DHX57: variants seen among roughly 807,000 people sequenced by gnomAD.
DHX57 encodes the protein putative ATP-dependent RNA helicase DHX57.
In DHX57, 105 loss-of-function variants were observed where a neutral mutation model predicts 156.2. The ratio of observed to expected loss-of-function variants is 0.67; its 90% CI spans 0.57 to 0.79. DHX57 has a LOEUF of 0.79. Among genes scored for constraint, DHX57 ranks in the 30% least tolerant of loss-of-function variants. The pLI, the probability that DHX57 is intolerant of heterozygous loss-of-function variation, is 0.00. For missense variants in DHX57, 1,847 were observed against 1,661.9 expected, an observed-to-expected ratio of 1.11 and a Z score of -1.94; for synonymous variants, 704 against 595.6, an observed-to-expected ratio of 1.18 and a Z score of -2.65.
intron 13 of DHX57, among the ~76,000 whole-genome samples, chr2:38,835,114 A>G (rs972462614): frequency 6.6e-6 from 1 of 152,232 alleles, no homozygotes; most frequent in Admixed American, 6.5e-5. Flanking sequence ...GGCAGCAGAT[A>G]ATGAGTTCCC....
At position 38,848,277 on chromosome 2, in the gene DHX57, G is replaced by A. The variant is rs748884511; in HGVS notation, c.2156C>T (p.Thr719Ile). The A allele has an allele frequency of 1.5e-5, 24 of 1,596,648 alleles. No individual in the cohort carries two copies. Among genetic ancestry groups the A allele is most frequent in the Non-Finnish European group, 2.0e-5 (23 of 1,174,386 alleles). The change falls in exon 10 of 24, where the codon ACT becomes ATT. Residue 719 changes from threonine to isoleucine, a missense_variant. Physicochemically the swap from Thr to Ile is moderately conservative, Grantham distance 89. Transcript: ENST00000457308. ...SDYFNSCPVI[T>I]IPGRTFPVDQ... ...TGATGCATTTTATTCACCTGGTATAGTAATAACGGGGCAGGAATTAAAATA... is the reference window on the plus strand; with the variant it reads ...TGATGCATTTTATTCACCTGGTATAATAATAACGGGGCAGGAATTAAAATA...
chr2:38,837,636 T>C (rs896000818), intron 13 of DHX57, among the ~76,000 whole-genome samples, 195 bp downstream of exon 13: 1 of 49,460 alleles, frequency 2.0e-5, no homozygotes, highest in Non-Finnish European at 5.2e-5. Flanking sequence ...ATAAAGACTT[T>C]ATTCAAGGTT....
chr2:38,815,659 AAAG>A lies in DHX57; in HGVS notation c.3472-7_3472-5del, dbSNP rs1670507393. The A allele has an allele frequency of 6.2e-7, 1 of 1,613,980 alleles. No homozygotes were observed. Among genetic ancestry groups the A allele is most frequent in the Admixed American group, 1.7e-5 (1 of 59,976 alleles). On this transcript the variant is annotated splice_region_variant and splice_polypyrimidine_tract_variant and intron_variant, in intron 19 of 23. Coordinates refer to ENST00000457308, the MANE Select transcript of DHX57 (RefSeq NM_198963.3). ...GTCGTTTGAGGCTGGCCATTTCCTG[AAAG>A]AAGTGGAAAAACCTTTAAGCAAGGG...
In DHX57 at chr2:38,815,573, A is replaced by G. The variant is rs376799913; in HGVS notation, c.3554T>C (p.Ile1185Thr). 6.2e-7 allele frequency: 1 copy of G among 1,613,898 alleles called. No homozygotes were observed. Among genetic ancestry groups the G allele is most frequent in the Non-Finnish European group, 8.5e-7 (1 of 1,180,002 alleles). Residue 1185 changes from isoleucine to threonine, a missense_variant, in exon 20 of 24, where the codon ATT (isoleucine) becomes ACT (threonine). Transcript: ENST00000457308. ...FAREGLRARE[I>T]EKRAQGGDGV... ...ATCTCCTCCTTGGGCCCTTTTCTCA[A>G]TTTCCCTTGCTCTGAGCCCTTCCCT...
intron 1 of DHX57, among the ~76,000 whole-genome samples, chr2:38,875,198 G>GC (rs1665550639): frequency 6.6e-6 from 1 of 152,208 alleles, no homozygotes; most frequent in Non-Finnish European, 1.5e-5. Context: ...CACGTGGTTA[G>GC]ATTCCACTAT....
Position 38,866,598 on chromosome 2 carries a change from C to G in DHX57, c.224+1584G>C, listed in dbSNP as rs550730532. Among the ~76,000 whole-genome samples, 288 of 152,308 alleles carry G rather than the reference C, an allele frequency of 1.9e-3. 3 individuals carry two copies. Among genetic ancestry groups the G allele is most frequent in the African/African-American group, 6.7e-3 (279 of 41,568 alleles). ...TTTTCTATCTCAAATCCCATTCTAT[C>G]TAGATAAGGACAATATTTTACTCCC... On this transcript the variant is annotated intron_variant, in intron 2 of 23. Coordinates refer to ENST00000457308, the MANE Select transcript of DHX57 (RefSeq NM_198963.3).
At chr2:38,810,376 G>T (rs899128756) in intron 21 of DHX57, 1 of 487,478 alleles carries the variant, frequency 2.1e-6, no homozygotes, top group Non-Finnish European at 4.0e-6. Context: ...AACAATTAGT[G>T]CCTGTACTTG....
intron 13 of DHX57, among the ~76,000 whole-genome samples, chr2:38,834,371 G>A (rs1671542185): frequency 6.7e-6 from 1 of 148,668 alleles, no homozygotes; most frequent in African/African-American, 2.5e-5. Flanking sequence ...AATCAAAACT[G>A]CATACAATGA....
At position 38,825,861 on chromosome 2, in the gene DHX57, T is replaced by C; in HGVS notation, c.3000A>G (p.Glu1000=). 6.2e-7 allele frequency: 1 copy of C among 1,614,194 alleles called. No individual in the cohort carries two copies. Among genetic ancestry groups the C allele is most frequent in the Middle Eastern group, 1.6e-4 (1 of 6,062 alleles). Residue 1000 remains glutamate (E), a synonymous_variant, in exon 16 of 24, where the codon GAA becomes GAG. Transcript: ENST00000457308. ...CCAGATGTCACCTTAGACACAGCTG[T>C]TCCAATGGCACTCTTTGTATTTCTG... ...QLPEIQRVPL[E]QLCLRIKILE...
chr2:38,861,567 C>T lies in DHX57; in HGVS notation c.843G>A (p.Leu281=). 6.2e-7 allele frequency: 1 copy of T among 1,614,180 alleles called. No individual in the cohort carries two copies. The highest frequency in any genetic ancestry group is 1.1e-5 in the South Asian group (1 of 91,082). The change falls in exon 5 of 24, where the codon CTG becomes CTA. Residue 281 remains leucine, a synonymous_variant. Coordinates refer to ENST00000457308, the MANE Select transcript of DHX57 (RefSeq NM_198963.3). ...GCTTGGATTTGCGGAATCTACTTGT[C>T]AGATACTCCAGTTCTAACCCAATGG... The part of the protein sequence containing the change: ...VWTIGLELEY[L]TSRFRKSKPK...
At chr2:38,848,898 T>C (rs557941141) in intron 9 of DHX57, among the ~76,000 whole-genome samples, 1 of 152,212 alleles carries the variant, frequency 6.6e-6, no homozygotes, top group Non-Finnish European at 1.5e-5. Context: ...TTATTTCTGA[T>C]TTTTGGATTA....
chr2:38,868,117 T>C, intron 2 of DHX57, 65 bp downstream of exon 2: 1 of 1,572,788 alleles, frequency 6.4e-7, no homozygotes, highest in Non-Finnish European at 8.7e-7. Flanking sequence ...CTCAGCCATC[T>C]GTTGTCCCAT....
chr2:38,825,719 A>G lies in DHX57; in HGVS notation c.3014+128T>C, dbSNP rs1282438587. ...AACACTAAGGATATCTTTCTTCACA[A>G]ATAAATGAGATTATTGGTGGTCATT... On this transcript the variant is annotated intron_variant, in intron 16 of 23. Coordinates refer to ENST00000457308, the MANE Select transcript of DHX57 (RefSeq NM_198963.3). 14 of 933,170 alleles carry G rather than the reference A, an allele frequency of 1.5e-5. No homozygotes were observed. The East Asian group carries it at 3.4e-4, about 23-fold the overall frequency. 57.8% of individuals were successfully genotyped at this position (933,170 alleles called of 1,614,324 possible). A position where few individuals can be genotyped will look rare whatever the true frequency, so the allele number is the denominator to read the frequency against.
chr2:38,845,840 T>C (rs1309831930), intron 11 of DHX57, among the ~76,000 whole-genome samples: 1 of 151,466 alleles, frequency 6.6e-6, no homozygotes, highest in Non-Finnish European at 1.5e-5. Flanking sequence ...GCGAGTACAA[T>C]GATGATGATG....
At chr2:38,843,553 T>G (rs1013699072) in intron 11 of DHX57, among the ~76,000 whole-genome samples, 1 of 152,252 alleles carries the variant, frequency 6.6e-6, no homozygotes, top group African/African-American at 2.4e-5. Flanking sequence ...CTTGTTTCTA[T>G]GATAATTCCC....
intron 23 of DHX57, 45 bp downstream of exon 23, chr2:38,802,670 C>T (rs1346377421): frequency 3.6e-5 from 58 of 1,606,810 alleles, no homozygotes; most frequent in Non-Finnish European, 4.8e-5. Context: ...TTGTCAAAGC[C>T]CCTCATGGCC....
intron 17 of DHX57, among the ~76,000 whole-genome samples, chr2:38,822,625 C>A (rs905380625): frequency 6.6e-5 from 10 of 152,028 alleles, no homozygotes; most frequent in African/African-American, 2.4e-4. Flanking sequence ...GAACTCCTGA[C>A]CTCAAATGAT....
At chr2:38,845,040 TA>T (rs957573080) in intron 11 of DHX57, among the ~76,000 whole-genome samples, 1 of 151,766 alleles carries the variant, frequency 6.6e-6, no homozygotes, top group African/African-American at 2.4e-5. Context: ...CTACTAAAAA[TA>T]AAAAAATTAG....
At chr2:38,842,428 A>G (rs964719332) in intron 12 of DHX57, among the ~76,000 whole-genome samples, 4 of 152,214 alleles carry the variant, frequency 2.6e-5, no homozygotes, top group African/African-American at 9.7e-5. Flanking sequence ...GAATTATATA[A>G]TTGTATCAGT....
Sources: gnomAD v4.1 joint callset for allele counts (sites outside exome capture counted in the v4.1 genomes callset) on GRCh38, gnomAD v4.1.1 for gene constraint, MANE v1.5 for transcripts, NCBI Gene and HGNC (gene_info 2026-07-23, HGNC 2026-07-21) for gene names.